Variants in NRF1 observed in about 807,000 individuals in gnomAD.
The protein encoded by NRF1 is alpha palindromic-binding protein.
In NRF1, 5 loss-of-function variants were observed where a neutral mutation model predicts 58.5. That is an observed-to-expected ratio of 0.09 (90% CI 0.04 to 0.18). The LOEUF (loss-of-function observed/expected upper bound fraction) is 0.18. Among genes scored for constraint, NRF1 ranks in the 10% least tolerant of loss-of-function variants. The pLI is 1.00. For missense variants in NRF1, 288 were observed against 657.7 expected (o/e 0.44, Z 6.15); for synonymous variants, 224 against 246.7 (o/e 0.91, Z 0.86).
At chr7:129,628,363 A>T (rs1800968691) in intron 1 of NRF1, among the ~76,000 whole-genome samples, 1 of 151,548 alleles carries the variant, frequency 6.6e-6, no homozygotes, top group Non-Finnish European at 1.5e-5. Context: ...CTCCAAATAT[A>T]ATAGCTTTTA....
intron 1 of NRF1, chr7:129,629,970 T>C (rs2151061095): frequency 6.6e-6 from 1 of 152,358 alleles, no homozygotes; most frequent in African/African-American, 2.4e-5. Context: ...TTTGACCTCA[T>C]TGATGACTTG....
At chr7:129,653,942 A>C (rs1801594658) in intron 1 of NRF1, among the ~76,000 whole-genome samples, 1 of 152,224 alleles carries the variant, frequency 6.6e-6, no homozygotes. Flanking sequence ...ATCCATGTGC[A>C]GGTTTTTATG....
chr7:129,703,203 G>C (rs1802873473), intron 5 of NRF1, among the ~76,000 whole-genome samples: 1 of 151,992 alleles, frequency 6.6e-6, no homozygotes, highest in African/African-American at 2.4e-5. Context: ...TTGCTGATTT[G>C]GTGTGGCTGT....
Position 129,720,939 on chromosome 7 carries a change from C to T in NRF1, c.1223+3563C>T, listed in dbSNP as rs149801494. On this transcript the variant is annotated intron_variant, in intron 9 of 10. Coordinates refer to ENST00000393232, the MANE Select transcript of NRF1 (RefSeq NM_005011.5). ...GAGGTGGGAAGGGAATCAAAGTGAA[C>T]AAATGAGCAGAACATCACAGCTTTA... Among the ~76,000 whole-genome samples the T allele has an allele frequency of 4.1e-4, 62 of 151,930 alleles. No homozygotes were observed. In the East Asian group the frequency reaches 0.012, roughly 28 times the overall value.
At chr7:129,636,659 A>G (rs1205781942) in intron 1 of NRF1, among the ~76,000 whole-genome samples, 3 of 152,172 alleles carry the variant, frequency 2.0e-5, no homozygotes, top group Admixed American at 1.3e-4. Flanking sequence ...GAATTTGATC[A>G]ATGTATCTTT....
chr7:129,618,187 A>G (rs1400982884), intron 1 of NRF1, among the ~76,000 whole-genome samples: 1 of 143,236 alleles, frequency 7.0e-6, no homozygotes, highest in Non-Finnish European at 1.6e-5. Flanking sequence ...GTTAAAGATT[A>G]TAGTGTGGTT....
At chr7:129,703,735 T>A (rs949507397) in intron 5 of NRF1, among the ~76,000 whole-genome samples, 1 of 152,232 alleles carries the variant, frequency 6.6e-6, no homozygotes, top group Non-Finnish European at 1.5e-5. Flanking sequence ...GCTTGATAAT[T>A]AGCATTTTTA....
intron 1 of NRF1, chr7:129,633,793 T>C (rs1801103080): frequency 6.6e-6 from 1 of 151,432 alleles, no homozygotes; most frequent in South Asian, 2.1e-4. Flanking sequence ...AAGTGATGTG[T>C]GTGTGTGTGT....
chr7:129,728,598 T>G (rs1416711095), intron 10 of NRF1, among the ~76,000 whole-genome samples: 1 of 152,174 alleles, frequency 6.6e-6, no homozygotes, highest in Non-Finnish European at 1.5e-5. Context: ...GCACTTTGTT[T>G]ATGGTAGGTG....
intron 2 of NRF1, among the ~76,000 whole-genome samples, chr7:129,671,031 TA>T (rs1802036692): frequency 2.0e-5 from 3 of 152,174 alleles, no homozygotes; most frequent in African/African-American, 7.2e-5. Flanking sequence ...GGGATAGAAG[TA>T]AATACTGAAA....
chr7:129,687,255 G>A (rs929789197), intron 4 of NRF1, among the ~76,000 whole-genome samples: 1 of 150,422 alleles, frequency 6.6e-6, no homozygotes, highest in Admixed American at 6.7e-5. Flanking sequence ...CCCCCAAGCA[G>A]CAACAGGTTT....
chr7:129,746,729 A>G (rs999433057), intron 10 of NRF1, among the ~76,000 whole-genome samples: 10 of 152,176 alleles, frequency 6.6e-5, no homozygotes, highest in African/African-American at 2.2e-4. Flanking sequence ...TCTTTGATGT[A>G]CATGGTTAGC....
At chr7:129,703,597 T>C (rs1245921302) in intron 5 of NRF1, among the ~76,000 whole-genome samples, 1 of 152,210 alleles carries the variant, frequency 6.6e-6, no homozygotes, top group Non-Finnish European at 1.5e-5. Flanking sequence ...TTCAATGAAG[T>C]CAAATTATCT....
chr7:129,737,827 G>C (rs1310133622), intron 10 of NRF1, among the ~76,000 whole-genome samples: 1 of 152,226 alleles, frequency 6.6e-6, no homozygotes, highest in Non-Finnish European at 1.5e-5. Flanking sequence ...CCTTAAAAGT[G>C]CTGTTGTGTT....
rs149000289 is a variant in NRF1, at chr7:129,612,584, C to T, written c.-7+760C>T. On this transcript the variant is annotated intron_variant, in intron 1 of 10. Transcript: ENST00000393232. ...TGTTTTCTTCCCCAGCTGAGATGTG[C>T]CCGCGGAGGGGCCGCGGTTCTTCCT... Among the ~76,000 whole-genome samples the T allele has an allele frequency of 2.4e-3, 366 of 152,280 alleles. 1 individual carries two copies. Among genetic ancestry groups the T allele is most frequent in the Non-Finnish European group, 3.5e-3 (240 of 68,014 alleles).
chr7:129,706,242 C>T (rs1490116552), intron 5 of NRF1, among the ~76,000 whole-genome samples: 2 of 151,992 alleles, frequency 1.3e-5, no homozygotes, highest in Non-Finnish European at 2.9e-5. Context: ...GTTTAGTTGC[C>T]ATAGTTAAAA....
chr7:129,687,126 C>T (rs1294219019), intron 4 of NRF1, among the ~76,000 whole-genome samples: 1 of 152,116 alleles, frequency 6.6e-6, no homozygotes, highest in African/African-American at 2.4e-5. Context: ...TTTTGAATTA[C>T]TTCTTGTTTC....
chr7:129,730,917 C>T (rs1002029742), intron 10 of NRF1, among the ~76,000 whole-genome samples: 1 of 151,124 alleles, frequency 6.6e-6, no homozygotes, highest in African/African-American at 2.4e-5. Flanking sequence ...GTCAAAGCTG[C>T]AGTGAGCCAT....
chr7:129,663,272 C>G (rs976525834), intron 2 of NRF1, among the ~76,000 whole-genome samples: 2 of 151,974 alleles, frequency 1.3e-5, no homozygotes, highest in African/African-American at 4.8e-5. Flanking sequence ...GCTGTCTCTT[C>G]GGAGCTGTTG....
Sources: allele counts gnomAD v4.1 joint callset (sites outside exome capture counted in the v4.1 genomes callset), GRCh38; gene constraint gnomAD v4.1.1; transcripts MANE v1.5; gene names NCBI Gene and HGNC (gene_info 2026-07-23, HGNC 2026-07-21).